Variants in DIP2A observed in about 807,000 individuals in gnomAD.
The protein encoded by DIP2A is DIP2 acetate--CoA ligase A, also known as disco-interacting protein 2 homolog A.
A neutral mutation model predicts 177.4 loss-of-function variants in DIP2A; 85 were observed. That is an observed-to-expected ratio of 0.48 (90% CI 0.40 to 0.57). The LOEUF is 0.57. DIP2A is among the 20% of genes least tolerant of loss of function. The probability of loss-of-function intolerance (pLI) is 0.00; values close to 1 mark genes in which losing one functional copy is unlikely to be tolerated. For missense variants in DIP2A, 1,791 were observed against 2,100.2 expected, an observed-to-expected ratio of 0.85 and a Z score of 2.88; for synonymous variants, 886 against 881.8, an observed-to-expected ratio of 1.00 and a Z score of -0.08.
chr21:46,546,076 C>T, intron 20 of DIP2A, 115 bp downstream of exon 20: 1 of 1,563,530 alleles, frequency 6.4e-7, no homozygotes, highest in Non-Finnish European at 8.7e-7. Context: ...TCCCATGTGG[C>T]CTTGGTCGGT....
chr21:46,498,780 C>G lies in DIP2A; in HGVS notation c.602C>G (p.Pro201Arg). 6.2e-7 allele frequency: 1 copy of G among 1,611,880 alleles called. No individual in the cohort carries two copies. The highest frequency in any genetic ancestry group is 8.5e-7 in the Non-Finnish European group (1 of 1,179,384). ...ACTGCTCCCAGTGCTGCAGCCACGC[C>G]GGGGGCCGCCGCTACCACTGCACTC... Reference protein sequence around the residue: ...PTTAPSAAATPGAAATTALAG... With the variant: ...PTTAPSAAATRGAAATTALAG... The change falls in exon 5 of 38, where the codon CCG becomes CGG. Residue 201 changes from proline to arginine, a missense_variant. Physicochemically the swap from Pro to Arg is moderately radical, Grantham distance 103. Transcript: ENST00000417564. This position sits in a 1 kb window ranked among gnomAD's most constrained non-coding sequence, Gnocchi z 4.3.
intron 3 of DIP2A, among the ~76,000 whole-genome samples, chr21:46,493,121 T>C (rs941067912): frequency 6.6e-6 from 1 of 152,154 alleles, no homozygotes; most frequent in African/African-American, 2.4e-5. Context: ...TTGTGTTGTT[T>C]AAGCCACTTA....
rs1466071962 is a variant in DIP2A, at chr21:46,558,337, G to T, written c.3913G>T (p.Ala1305Ser). The change falls in exon 32 of 38, where the codon GCC (alanine) becomes TCC (serine). Residue 1305 changes from alanine to serine, a missense_variant. Ala to Ser is a moderately conservative substitution (Grantham distance 99). Transcript: ENST00000417564. ...SKLFKDLGLP[A>S]RAVSTTFGCR... Reference sequence around the variant, plus strand: ...GCTCTTCAAGGACCTGGGCCTGCCGGCCCGCGCCGTAAGCACCACGTTCGG... The same window carrying T: ...GCTCTTCAAGGACCTGGGCCTGCCGTCCCGCGCCGTAAGCACCACGTTCGG... 6.2e-7 allele frequency: 1 copy of T among 1,607,534 alleles called. No individual in the cohort carries two copies. The highest frequency in any genetic ancestry group is 8.5e-7 in the Non-Finnish European group (1 of 1,177,922).
Position 46,498,869 on chromosome 21 carries a change from G to T in DIP2A, c.655+36G>T. The T allele has an allele frequency of 6.3e-7, 1 of 1,577,858 alleles. No individual in the cohort carries two copies. Among genetic ancestry groups the T allele is most frequent in the South Asian group, 1.2e-5 (1 of 85,306 alleles). On this transcript the variant is annotated intron_variant, in intron 5 of 37. Coordinates refer to ENST00000417564, the MANE Select transcript of DIP2A (RefSeq NM_015151.4). The surrounding 1 kb of genome is among the most constrained non-coding windows in gnomAD (Gnocchi z 4.3). ...AGCTGCTGCGGCCCCTGTGCCAGCAGAGCGGGGTCAGGAGTGTCCAGGACA... is the reference window on the plus strand; with the variant it reads ...AGCTGCTGCGGCCCCTGTGCCAGCATAGCGGGGTCAGGAGTGTCCAGGACA...
Position 46,567,561 on chromosome 21 carries a change from A to T in DIP2A, c.4655A>T (p.His1552Leu). ...TCTCGGGGTGAGAAGCAGCGCATGCACCTGCGGGACGGCTTCCTGGCTGAC... is the reference window on the plus strand; with the variant it reads ...TCTCGGGGTGAGAAGCAGCGCATGCTCCTGCGGGACGGCTTCCTGGCTGAC... ...INSRGEKQRM[H>L]LRDGFLADQL... is the part of the protein sequence containing the mutation. The change falls in exon 38 of 38, where the codon CAC (histidine) becomes CTC (leucine). Residue 1552 changes from histidine (H) to leucine (L), a missense_variant. Physicochemically the swap from His to Leu is moderately conservative, Grantham distance 99. Transcript: ENST00000417564. 1 of 1,613,342 alleles carries T rather than the reference A, an allele frequency of 6.2e-7. No individual in the cohort carries two copies. The highest frequency in any genetic ancestry group is 1.1e-5 in the South Asian group (1 of 90,998).
At chr21:46,487,683 C>T (rs2056773420) in intron 2 of DIP2A, among the ~76,000 whole-genome samples, 2 of 152,104 alleles carry the variant, frequency 1.3e-5, no homozygotes, top group South Asian at 4.1e-4. Flanking sequence ...AGCAATATTT[C>T]TGTTTTCAAA....
At chr21:46,506,644 C>T (rs1273521033) in intron 6 of DIP2A, among the ~76,000 whole-genome samples, 2 of 151,492 alleles carry the variant, frequency 1.3e-5, no homozygotes, top group African/African-American at 4.9e-5. Context: ...TTTTTATGCA[C>T]CTATTTGCCA....
At position 46,557,209 on chromosome 21, in the gene DIP2A, G is replaced by A; in HGVS notation, c.3629+140G>A. ...GAGTGGGTTTGTTTGGGGATGAAGT[G>A]GGTTGGAGTCTGAGTCTGAAATTGA... On this transcript the variant is annotated intron_variant, in intron 30 of 37. Coordinates refer to ENST00000417564, the MANE Select transcript of DIP2A (RefSeq NM_015151.4). The surrounding 1 kb of genome is among the most constrained non-coding windows in gnomAD (Gnocchi z 6.0). 3 of 979,042 alleles carry A rather than the reference G, an allele frequency of 3.1e-6. No individual in the cohort carries two copies. The highest frequency in any genetic ancestry group is 3.6e-5 in the South Asian group (2 of 55,290). The allele number at this position is 979,042 out of a possible 1,614,324, so 60.6% of individuals were successfully genotyped here.
At position 46,554,808 on chromosome 21, in the gene DIP2A, C is replaced by T. The variant is rs2060404202; in HGVS notation, c.3277-14C>T. On this transcript the variant is annotated splice_polypyrimidine_tract_variant and intron_variant, in intron 27 of 37. Transcript: ENST00000417564. Reference sequence around the variant, plus strand: ...GAGGCCCCGCCCACCCACCCTTGGCCCCTCGCCATGCAGGTCAGCAAGTCT... The same window carrying T: ...GAGGCCCCGCCCACCCACCCTTGGCTCCTCGCCATGCAGGTCAGCAAGTCT... 1 of 1,541,092 alleles carries T rather than the reference C, an allele frequency of 6.5e-7. No individual in the cohort carries two copies. Among genetic ancestry groups the T allele is most frequent in the Non-Finnish European group, 8.7e-7 (1 of 1,144,052 alleles).
intron 32 of DIP2A, among the ~76,000 whole-genome samples, chr21:46,559,521 G>A (rs2060594541): frequency 6.6e-6 from 1 of 152,250 alleles, no homozygotes; most frequent in Non-Finnish European, 1.5e-5. Context: ...TCACGCAGCA[G>A]AGGAGATCGG....
At chr21:46,510,613 T>C (rs888711427) in intron 7 of DIP2A, among the ~76,000 whole-genome samples, 1 of 144,906 alleles carries the variant, frequency 6.9e-6, no homozygotes, top group South Asian at 2.2e-4. Context: ...CCAGGAGCTA[T>C]ATAATCAAAT....
chr21:46,531,987 G>T, intron 9 of DIP2A, 140 bp from the exon 10 acceptor site: 1 of 712,482 alleles, frequency 1.4e-6, no homozygotes, highest in Non-Finnish European at 2.3e-6. Flanking sequence ...AATACTATTT[G>T]GACTTGTCCC....
At chr21:46,539,786 G>A (rs952205958) in intron 16 of DIP2A, 91 bp from the exon 17 acceptor site, 6 of 1,071,932 alleles carry the variant, frequency 5.6e-6, no homozygotes, top group African/African-American at 3.1e-5. Context: ...TCCGATGGCC[G>A]CAGGCTGCGC....
chr21:46,547,138 TTCAC>T (rs1441024419), intron 21 of DIP2A, 96 bp downstream of exon 21: 6 of 1,513,080 alleles, frequency 4.0e-6, no homozygotes, highest in Non-Finnish European at 5.3e-6. Flanking sequence ...CAAACTTGAA[TTCAC>T]AAAGCCTAAA....
Position 46,550,230 on chromosome 21 carries a change from C to G in DIP2A, c.2638-313C>G. 4 of 642,778 alleles carry G rather than the reference C, an allele frequency of 6.2e-6. No homozygotes were observed. The South Asian group carries it at 8.9e-5, about 14-fold the overall frequency. The allele number at this position is 642,778 out of a possible 1,614,324, so 39.8% of individuals were successfully genotyped here. ...AATATATCTCAAAGAAAAAACTTTCCTCCTCCTGTCTAATTGAGGCTTTGT... is the reference window on the plus strand; with the variant it reads ...AATATATCTCAAAGAAAAAACTTTCGTCCTCCTGTCTAATTGAGGCTTTGT... On this transcript the variant is annotated intron_variant, in intron 22 of 37. Coordinates refer to ENST00000417564, the MANE Select transcript of DIP2A (RefSeq NM_015151.4).
rs761203268 is a variant in DIP2A, at chr21:46,557,661, G to A, written c.3706G>A (p.Val1236Ile). ...ESNVSLWLSA[V>I]SQYKARVTFC... Reference sequence around the variant, plus strand: ...CAACGTGTCCCTGTGGCTGTCGGCCGTCAGCCAGTACAAGGCCCGCGTCAC... The same window carrying A: ...CAACGTGTCCCTGTGGCTGTCGGCCATCAGCCAGTACAAGGCCCGCGTCAC... Residue 1236 changes from valine (V) to isoleucine (I), a missense_variant, in exon 31 of 38, where the codon GTC becomes ATC. Physicochemically the swap from Val to Ile is conservative, Grantham distance 29 (BLOSUM62 3). Coordinates refer to ENST00000417564, the MANE Select transcript of DIP2A (RefSeq NM_015151.4). This position sits in a 1 kb window ranked among gnomAD's most constrained non-coding sequence, Gnocchi z 6.0. 28 of 1,612,648 alleles carry A rather than the reference G, an allele frequency of 1.7e-5. No individual in the cohort carries two copies. In the East Asian group the frequency reaches 3.6e-4, roughly 21 times the overall value.
intron 1 of DIP2A, among the ~76,000 whole-genome samples, chr21:46,470,700 A>G (rs1428119331): frequency 6.6e-6 from 1 of 151,190 alleles, no homozygotes; most frequent in African/African-American, 2.4e-5. Flanking sequence ...GAACCTGGGA[A>G]ATGGAGTGAG....
chr21:46,507,867 A>AT (rs1009065155), intron 6 of DIP2A, among the ~76,000 whole-genome samples: 59 of 149,366 alleles, frequency 4.0e-4, no homozygotes, highest in South Asian at 1.7e-3. Context: ...CACTTGGCTA[A>AT]TTTTTTTTTC....
At chr21:46,495,292 G>T (rs1316702720) in intron 3 of DIP2A, among the ~76,000 whole-genome samples, 1 of 120,446 alleles carries the variant, frequency 8.3e-6, no homozygotes, top group African/African-American at 3.0e-5. Context: ...TTTTGAGATG[G>T]AGTTTCACTC....
Sources: gnomAD v4.1 joint callset for allele counts (sites outside exome capture counted in the v4.1 genomes callset) on GRCh38, gnomAD v4.1.1 for gene constraint, Gnocchi (gnomAD v3.1) non-coding constraint, MANE v1.5 for transcripts, NCBI Gene and HGNC (gene_info 2026-07-23, HGNC 2026-07-21) for gene names.